The following SDCCAG8 variants were observed in gnomAD, a reference collection of about 807,000 sequenced individuals.
SDCCAG8 encodes SHH signaling and ciliogenesis regulator SDCCAG8.
Under a neutral mutation model 101.8 loss-of-function variants are expected in SDCCAG8, and 74 were observed. The ratio of observed to expected loss-of-function variants is 0.73; its 90% CI spans 0.60 to 0.88. The LOEUF (loss-of-function observed/expected upper bound fraction) is 0.88, where lower values mean the gene tolerates loss of function less well. Ranked by LOEUF, SDCCAG8 falls within the 40% of genes least tolerant of loss-of-function variation. The pLI is 0.00. For missense variants in SDCCAG8, 787 were observed against 822.6 expected (o/e 0.96, Z 0.53); for synonymous variants, 281 against 292.9 (o/e 0.96, Z 0.41).
chr1:243,456,532 A>C (rs1184030108), intron 16 of SDCCAG8, among the ~76,000 whole-genome samples: 1 of 152,216 alleles, frequency 6.6e-6, no homozygotes, highest in African/African-American at 2.4e-5. Flanking sequence ...GAGAGAAATT[A>C]GAGTGAGCTA....
chr1:243,268,293 T>G (rs2067796416), intron 1 of SDCCAG8, among the ~76,000 whole-genome samples: 1 of 152,242 alleles, frequency 6.6e-6, no homozygotes, highest in Admixed American at 6.5e-5. Flanking sequence ...ACTGAATTGC[T>G]TATCATGTAA....
chr1:243,295,146 A>G (rs1044635284), intron 6 of SDCCAG8, among the ~76,000 whole-genome samples: 1 of 152,152 alleles, frequency 6.6e-6, no homozygotes, highest in East Asian at 1.9e-4. Context: ...CTTAATACCT[A>G]TAGGATAAAG....
chr1:243,277,166 A>G (rs2068645344), intron 4 of SDCCAG8, among the ~76,000 whole-genome samples: 1 of 152,248 alleles, frequency 6.6e-6, no homozygotes, highest in Non-Finnish European at 1.5e-5. Context: ...AGTAAATACC[A>G]AGAAGCTCAA....
chr1:243,403,741 A>G (rs2079560154), intron 13 of SDCCAG8, among the ~76,000 whole-genome samples: 2 of 152,174 alleles, frequency 1.3e-5, no homozygotes, highest in Admixed American at 1.3e-4. Flanking sequence ...ATGATCTGTC[A>G]CTGTCTCCCG....
In SDCCAG8 at chr1:243,463,423, A is replaced by C. The variant is rs371734089; in HGVS notation, c.1986-25591A>C. ...TAGACTTAAGACCCAAAATGAGAAG[A>C]AGCACATGACTTCTGGCTGACAGCC... On this transcript the variant is annotated intron_variant, in intron 16 of 17. Coordinates refer to ENST00000366541, the MANE Select transcript of SDCCAG8 (RefSeq NM_006642.5). Among the ~76,000 whole-genome samples the C allele has an allele frequency of 1.8e-4, 27 of 151,960 alleles. No individual in the cohort carries two copies. The East Asian group carries it at 3.3e-3, about 18-fold the overall frequency.
At chr1:243,336,545 G>A (rs1332619906) in intron 10 of SDCCAG8, among the ~76,000 whole-genome samples, 1 of 152,156 alleles carries the variant, frequency 6.6e-6, no homozygotes, top group Non-Finnish European at 1.5e-5. Flanking sequence ...GTCTTCTGTG[G>A]TTGGAGCAGG....
At chr1:243,395,698 G>A (rs1295473750) in intron 13 of SDCCAG8, among the ~76,000 whole-genome samples, 1 of 151,876 alleles carries the variant, frequency 6.6e-6, no homozygotes, top group African/African-American at 2.4e-5. Context: ...TTTTAATTTA[G>A]CCTCACAATT....
At chr1:243,460,814 C>T (rs1278087171) in intron 16 of SDCCAG8, among the ~76,000 whole-genome samples, 2 of 152,148 alleles carry the variant, frequency 1.3e-5, no homozygotes, top group East Asian at 1.9e-4. Context: ...GCAGCGTGTT[C>T]GGCTTGTTCC....
intron 16 of SDCCAG8, among the ~76,000 whole-genome samples, chr1:243,462,034 G>C (rs369799575): frequency 1.3e-5 from 2 of 152,316 alleles, no homozygotes; most frequent in South Asian, 2.1e-4. Context: ...TTTGGAATGA[G>C]ATCTTATCCC....
Position 243,367,323 on chromosome 1 carries a change from A to G in SDCCAG8, c.1474-11398A>G, listed in dbSNP as rs1021615397. Among the ~76,000 whole-genome samples the G allele has an allele frequency of 2.0e-5, 3 of 152,082 alleles. No homozygotes were observed. In the East Asian group the frequency reaches 5.8e-4, roughly 29 times the overall value. On this transcript the variant is annotated intron_variant, in intron 12 of 17. Transcript: ENST00000366541. ...TTGTTTTCCTGGTTTTTTGCAGTTC[A>G]TTTTGAAAGAAGCAACTCCAGGTTT...
intron 4 of SDCCAG8, among the ~76,000 whole-genome samples, chr1:243,275,743 T>C (rs1253248499): frequency 6.6e-6 from 1 of 151,622 alleles, no homozygotes; most frequent in Non-Finnish European, 1.5e-5. Context: ...TTAGAGAACA[T>C]AGTATAGGCC....
intron 12 of SDCCAG8, among the ~76,000 whole-genome samples, chr1:243,370,662 C>T (rs1201771350): frequency 1.3e-5 from 2 of 152,106 alleles, no homozygotes; most frequent in African/African-American, 2.4e-5. Context: ...TAGAAAGGCA[C>T]TTCTTTCTTG....
At chr1:243,335,553 A>G in intron 10 of SDCCAG8, among the ~76,000 whole-genome samples, 1 of 152,020 alleles carries the variant, frequency 6.6e-6, no homozygotes, top group East Asian at 1.9e-4. Context: ...ATGTAACAGA[A>G]CCTCTCTTTT....
At chr1:243,302,733 C>T (rs1444812632) in intron 6 of SDCCAG8, among the ~76,000 whole-genome samples, 2 of 152,168 alleles carry the variant, frequency 1.3e-5, no homozygotes, top group Non-Finnish European at 2.9e-5. Context: ...GGTCTCCTTG[C>T]CTGCAAACAC....
Position 243,316,808 on chromosome 1 carries a change from A to G in SDCCAG8, c.983A>G (p.Asp328Gly). ...ALVSVRSSLA[D>G]TQQREASAYE... ...GTTTCCGTAAGGAGCAGCTTGGCAGATACGCAGCAAAGAGAAGCAAGTGCT... is the reference window on the plus strand; with the variant it reads ...GTTTCCGTAAGGAGCAGCTTGGCAGGTACGCAGCAAAGAGAAGCAAGTGCT... Residue 328 changes from aspartate to glycine, a missense_variant, in exon 9 of 18, where the codon GAT becomes GGT. By Grantham distance (94) the Asp-to-Gly change is moderately conservative. Transcript: ENST00000366541. 1.2e-6 allele frequency: 2 copies of G among 1,614,210 alleles called. No individual in the cohort carries two copies. The highest frequency in any genetic ancestry group is 1.7e-6 in the Non-Finnish European group (2 of 1,180,022).
At chr1:243,341,747 G>A (rs1440158920) in intron 11 of SDCCAG8, among the ~76,000 whole-genome samples, 4 of 152,112 alleles carry the variant, frequency 2.6e-5, no homozygotes, top group Non-Finnish European at 5.9e-5. Context: ...ACTGGTTCGT[G>A]AATCAAGAAC....
At chr1:243,300,726 G>A (rs1323014028) in intron 6 of SDCCAG8, among the ~76,000 whole-genome samples, 2 of 152,076 alleles carry the variant, frequency 1.3e-5, no homozygotes, top group East Asian at 1.9e-4. Flanking sequence ...CATTTCCTCT[G>A]TGAGGCCTTC....
chr1:243,492,777 T>C (rs1367625481), intron 17 of SDCCAG8, among the ~76,000 whole-genome samples: 1 of 151,564 alleles, frequency 6.6e-6, no homozygotes, highest in East Asian at 1.9e-4. Context: ...CTGGCTAATT[T>C]TGTATTTTTA....
intron 16 of SDCCAG8, among the ~76,000 whole-genome samples, chr1:243,471,539 C>T (rs1392268761): frequency 6.6e-6 from 1 of 152,060 alleles, no homozygotes; most frequent in East Asian, 1.9e-4. Flanking sequence ...ACGGGGGGTC[C>T]AGGCTCAGCA....
Sources: allele counts gnomAD v4.1 joint callset (sites outside exome capture counted in the v4.1 genomes callset), GRCh38; gene constraint gnomAD v4.1.1; transcripts MANE v1.5; gene names NCBI Gene and HGNC (gene_info 2026-07-23, HGNC 2026-07-21).